The following EPB41L4B variants were observed in gnomAD, a reference collection of about 807,000 sequenced individuals.
The protein encoded by EPB41L4B is band 4.1-like protein 4B.
A neutral mutation model predicts 112.5 loss-of-function variants in EPB41L4B; 30 were observed. The observed-to-expected ratio is 0.27, with a 90% CI of 0.20 to 0.36. The LOEUF (loss-of-function observed/expected upper bound fraction) is 0.36. Ranked by LOEUF, EPB41L4B falls within the 10% of genes least tolerant of loss-of-function variation. The probability of loss-of-function intolerance (pLI) is 1.00; values close to 1 mark genes in which losing one functional copy is unlikely to be tolerated. For missense variants in EPB41L4B, 1,024 were observed against 1,133.3 expected (o/e 0.90, Z 1.38); for synonymous variants, 408 against 439.7 (o/e 0.93, Z 0.90).
At chr9:109,178,613 G>T (rs953827212) in intron 24 of EPB41L4B, among the ~76,000 whole-genome samples, 11 of 151,450 alleles carry the variant, frequency 7.3e-5, no homozygotes, top group South Asian at 2.1e-4. Context: ...CATAACTGGG[G>T]TTTTTTTTAG....
intron 22 of EPB41L4B, among the ~76,000 whole-genome samples, chr9:109,186,465 G>A (rs1183862906): frequency 1.3e-5 from 2 of 151,670 alleles, no homozygotes; most frequent in East Asian, 1.9e-4. Context: ...GGGATTACAA[G>A]TGTGAGCTAC....
At chr9:109,213,098 G>C (rs1833240842) in intron 17 of EPB41L4B, among the ~76,000 whole-genome samples, 1 of 152,192 alleles carries the variant, frequency 6.6e-6, no homozygotes, top group Admixed American at 6.5e-5. Flanking sequence ...AGGTTGTCAA[G>C]GGCTGTGCAA....
intron 6 of EPB41L4B, among the ~76,000 whole-genome samples, chr9:109,259,642 G>A (rs1835126755): frequency 6.6e-6 from 1 of 152,170 alleles, no homozygotes; most frequent in Non-Finnish European, 1.5e-5. Context: ...TGGGTCTCCG[G>A]TGCCTGATTT....
intron 15 of EPB41L4B, among the ~76,000 whole-genome samples, chr9:109,234,216 A>T (rs1169029870): frequency 6.6e-6 from 1 of 152,122 alleles, no homozygotes; most frequent in Admixed American, 6.5e-5. Context: ...GGTGGAATAT[A>T]TTTGGAGAGA....
chr9:109,273,694 G>T (rs1403795677), intron 2 of EPB41L4B, among the ~76,000 whole-genome samples: 3 of 152,146 alleles, frequency 2.0e-5, no homozygotes, highest in Non-Finnish European at 4.4e-5. Context: ...TCAGAGCACG[G>T]GCACCTGAGC....
At chr9:109,258,102 G>C in intron 7 of EPB41L4B, 75 bp downstream of exon 7, 2 of 1,495,742 alleles carry the variant, frequency 1.3e-6, no homozygotes, top group Non-Finnish European at 1.8e-6. Flanking sequence ...TCTACTGGTA[G>C]ATAAAGGAGT....
At chr9:109,197,089 C>T (rs1588128572) in intron 20 of EPB41L4B, among the ~76,000 whole-genome samples, 1 of 152,266 alleles carries the variant, frequency 6.6e-6, no homozygotes, top group Non-Finnish European at 1.5e-5. Context: ...ATTTATATTC[C>T]TTGATCACGT....
At chr9:109,249,072 A>T (rs10759335) in intron 13 of EPB41L4B, among the ~76,000 whole-genome samples, 84,782 of 130,020 alleles carry the variant, frequency 0.65, 28,406 homozygotes, top group East Asian at 0.76. Context: ...AAAAAAAAAA[A>T]ATATATATAT....
intron 15 of EPB41L4B, among the ~76,000 whole-genome samples, chr9:109,225,515 A>G (rs1293212956): frequency 6.6e-6 from 1 of 152,140 alleles, no homozygotes; most frequent in East Asian, 1.9e-4. Context: ...ACTCTTATAA[A>G]ACCATCGAAT....
chr9:109,216,986 T>A lies in EPB41L4B; in HGVS notation c.1569A>T (p.Ser523=). 6.2e-7 allele frequency: 1 copy of A among 1,614,150 alleles called. No homozygotes were observed. The highest frequency in any genetic ancestry group is 8.5e-7 in the Non-Finnish European group (1 of 1,180,022). ...QHQHHSNYSL[S]LTLENKEGPL... ...GCCCCTCTTTGTTCTCCAGGGTCAG[T>A]GAGAGGCTGTAGTTTGAGTGGTGCT... Residue 523 remains serine (S), a synonymous_variant, in exon 16 of 26, where the codon TCA becomes TCT. Transcript: ENST00000374566.
chr9:109,246,435 C>T (rs779943004), intron 14 of EPB41L4B, among the ~76,000 whole-genome samples: 1 of 152,062 alleles, frequency 6.6e-6, no homozygotes, highest in Non-Finnish European at 1.5e-5. Context: ...GCTGGGATTA[C>T]ACGCATGAGC....
chr9:109,208,159 CA>C (rs1833046339), intron 17 of EPB41L4B, 110 bp from the exon 18 acceptor site: 2 of 1,293,504 alleles, frequency 1.5e-6, no homozygotes, highest in Admixed American at 2.1e-5. Context: ...CATACATAGA[CA>C]GGGGTGTCAC....
At chr9:109,180,025 T>C (rs914150312) in intron 24 of EPB41L4B, among the ~76,000 whole-genome samples, 10 of 152,304 alleles carry the variant, frequency 6.6e-5, no homozygotes, top group Admixed American at 3.3e-4. Flanking sequence ...GAATCCCTAC[T>C]GTGGCCTACA....
intron 1 of EPB41L4B, among the ~76,000 whole-genome samples, chr9:109,302,507 T>C (rs1217711724): frequency 1.3e-5 from 2 of 152,102 alleles, no homozygotes; most frequent in South Asian, 2.1e-4. Context: ...ACAGATGAAT[T>C]TGGGGAAAAT....
At chr9:109,183,075 T>C (rs1564249035) in intron 23 of EPB41L4B, among the ~76,000 whole-genome samples, 1 of 152,152 alleles carries the variant, frequency 6.6e-6, no homozygotes, top group Non-Finnish European at 1.5e-5. Context: ...CCCCTGGAGC[T>C]GCCTTCAGCG....
chr9:109,217,806 C>T (rs991774606), intron 15 of EPB41L4B, among the ~76,000 whole-genome samples: 1 of 152,130 alleles, frequency 6.6e-6, no homozygotes, highest in African/African-American at 2.4e-5. Flanking sequence ...CTCCTGGGCT[C>T]AAGTGGTCCA....
At chr9:109,318,235 G>C (rs1336492490) in intron 1 of EPB41L4B, among the ~76,000 whole-genome samples, 2 of 151,994 alleles carry the variant, frequency 1.3e-5, no homozygotes, top group African/African-American at 4.8e-5. Context: ...GAGGAATCAA[G>C]AAATTTGCCG....
chr9:109,240,695 T>C (rs1834323393), intron 15 of EPB41L4B: 1 of 985,348 alleles, frequency 1.0e-6, no homozygotes, highest in Non-Finnish European at 1.2e-6. Context: ...CAGAATGCTT[T>C]GGCACAACTT....
intron 15 of EPB41L4B, among the ~76,000 whole-genome samples, chr9:109,236,050 C>T (rs1834129793): frequency 6.6e-6 from 1 of 152,208 alleles, no homozygotes; most frequent in Non-Finnish European, 1.5e-5. Context: ...CCCTTTAATC[C>T]TTCTCTCATC....
Sources: gnomAD v4.1 joint callset for allele counts (sites outside exome capture counted in the v4.1 genomes callset) on GRCh38, gnomAD v4.1.1 for gene constraint, MANE v1.5 for transcripts, NCBI Gene and HGNC (gene_info 2026-07-23, HGNC 2026-07-21) for gene names.